Variants in EDN1 observed in about 807,000 individuals in gnomAD.
The protein encoded by EDN1 is endothelin-1.
EDN1 carries 11 observed loss-of-function variants against 21.7 expected under a neutral mutation model. The ratio of observed to expected loss-of-function variants is 0.51; its 90% CI spans 0.32 to 0.84. EDN1 has a LOEUF of 0.84. Among genes scored for constraint, EDN1 ranks in the 40% least tolerant of loss-of-function variants. The probability of loss-of-function intolerance (pLI) is 0.03; values close to 1 mark genes in which losing one functional copy is unlikely to be tolerated. For missense variants in EDN1, 244 were observed against 262.3 expected (o/e 0.93, Z 0.48); for synonymous variants, 85 against 90.6 (o/e 0.94, Z 0.35).
At chr6:12,243,143 A>G in the EDN1 span, among the ~76,000 whole-genome samples, 1 of 152,348 alleles carries the variant, frequency 6.6e-6, no homozygotes, top group African/African-American at 2.4e-5. Context: ...TATGTATTAT[A>G]TACTGTATTC....
At chr6:12,234,617 C>A in the EDN1 span, among the ~76,000 whole-genome samples, 15 of 152,312 alleles carry the variant, frequency 9.8e-5, no homozygotes, top group African/African-American at 3.4e-4. Context: ...GCTCTGCTGA[C>A]CTCTAAGGCC....
At position 12,294,375 on chromosome 6, in the gene EDN1, A is replaced by T; in HGVS notation, c.504A>T (p.Arg168Ser). ...TAGTGAGAGGAAGAAAAATCAGAAGAAGTTCAGAGGAACACCTAAGACAAA... is the reference window on the plus strand; with the variant it reads ...TAGTGAGAGGAAGAAAAATCAGAAGTAGTTCAGAGGAACACCTAAGACAAA... ...QQLVRGRKIR[R>S]SSEEHLRQTR... is the part of the protein sequence containing the mutation. Residue 168 changes from arginine to serine, a missense_variant, in exon 4 of 5, where the codon AGA becomes AGT. Coordinates refer to ENST00000379375, the MANE Select transcript of EDN1 (RefSeq NM_001955.5). The T allele has an allele frequency of 6.2e-7, 1 of 1,614,196 alleles. No individual in the cohort carries two copies. The highest frequency in any genetic ancestry group is 2.2e-5 in the East Asian group (1 of 44,880).
upstream of EDN1, among the ~76,000 whole-genome samples, chr6:12,287,710 T>A (rs868524981): frequency 3.7e-4 from 25 of 67,392 alleles, no homozygotes; most frequent in Non-Finnish European, 8.4e-4. Flanking sequence ...TCTCTCTCTC[T>A]CTCACACACA....
At chr6:12,236,512 G>A in the EDN1 span, among the ~76,000 whole-genome samples, 1 of 151,982 alleles carries the variant, frequency 6.6e-6, no homozygotes, top group Admixed American at 6.6e-5. Flanking sequence ...CACCTACCTT[G>A]GCTTCCCAAA....
the EDN1 span, among the ~76,000 whole-genome samples, chr6:12,253,213 T>G: frequency 3.2e-4 from 48 of 152,282 alleles, no homozygotes; most frequent in African/African-American, 1.2e-3. Context: ...AAATTAGCAA[T>G]TTGAAAGATG....
At chr6:12,277,437 G>T in the EDN1 span, among the ~76,000 whole-genome samples, 2 of 152,190 alleles carry the variant, frequency 1.3e-5, no homozygotes, top group Non-Finnish European at 2.9e-5. Context: ...CGTGATGTAA[G>T]TACTACTCTT....
the EDN1 span, among the ~76,000 whole-genome samples, chr6:12,255,334 A>G: frequency 5.3e-5 from 8 of 152,226 alleles, no homozygotes; most frequent in East Asian, 3.8e-4. Flanking sequence ...TACTACATCA[A>G]TGGATCTAAA....
Position 12,296,513 on chromosome 6 carries a change from C to A in EDN1, c.*446C>A. ...TTCTAAGGAATGCACAAATTGAAAA[C>A]ACACTCAAAAGACAAACATGCAAGT... is the stretch of plus-strand genomic sequence containing the variant. On this transcript the variant is annotated 3_prime_UTR_variant, in exon 5 of 5. Transcript: ENST00000379375. 6.3e-6 allele frequency: 1 copy of A among 159,452 alleles called. No homozygotes were observed. The allele number at this position is 159,452 out of a possible 1,614,324, so 9.9% of individuals were successfully genotyped here.
the EDN1 span, among the ~76,000 whole-genome samples, chr6:12,271,856 A>C: frequency 6.6e-6 from 1 of 152,320 alleles, no homozygotes; most frequent in African/African-American, 2.4e-5. Context: ...TATACATGAC[A>C]TTGTAATGAC....
chr6:12,255,390 G>A, the EDN1 span, among the ~76,000 whole-genome samples: 1 of 152,148 alleles, frequency 6.6e-6, no homozygotes, highest in Admixed American at 6.6e-5. Context: ...ATGCCATTTG[G>A]AATAACAATT....
the EDN1 span, among the ~76,000 whole-genome samples, chr6:12,272,066 C>A: frequency 1.3e-5 from 2 of 152,084 alleles, no homozygotes; most frequent in Non-Finnish European, 2.9e-5. Flanking sequence ...AAATGCAGGA[C>A]AATACATAGT....
the EDN1 span, among the ~76,000 whole-genome samples, chr6:12,283,690 C>G: frequency 2.6e-5 from 4 of 152,172 alleles, no homozygotes; most frequent in Admixed American, 1.3e-4. Context: ...TATAGACTTC[C>G]CACAGTCTAC....
chr6:12,295,896 T>C (rs1762810270), intron 4 of EDN1, 66 bp from the exon 5 acceptor site: 13 of 1,518,396 alleles, frequency 8.6e-6, no homozygotes, highest in Admixed American at 5.0e-5. Context: ...TAATTTTACA[T>C]GTTTCTTTTG....
chr6:12,255,489 G>A, the EDN1 span, among the ~76,000 whole-genome samples: 2 of 152,194 alleles, frequency 1.3e-5, no homozygotes, highest in South Asian at 4.1e-4. Flanking sequence ...CTCATTAAAA[G>A]CAGGAACAAG....
At position 12,296,338 on chromosome 6, in the gene EDN1, C is replaced by T. The variant is rs539153026; in HGVS notation, c.*271C>T. On this transcript the variant is annotated 3_prime_UTR_variant, in exon 5 of 5. Transcript: ENST00000379375. ...CTCAGCAGAAACACACAGTCACATT[C>T]GAATTCGGGTGGCATCCTCCGGAGA... is the stretch of plus-strand genomic sequence containing the variant. The T allele has an allele frequency of 3.9e-5, 16 of 412,592 alleles. No homozygotes were observed. The highest frequency in any genetic ancestry group is 2.2e-4 in the African/African-American group (11 of 49,504). The allele number at this position is 412,592 out of a possible 1,614,324, so 25.6% of individuals were successfully genotyped here.
chr6:12,267,842 A>T, the EDN1 span, among the ~76,000 whole-genome samples: 2 of 152,136 alleles, frequency 1.3e-5, no homozygotes, highest in Non-Finnish European at 2.9e-5. Flanking sequence ...ACAGGTTGAC[A>T]CTCTTGTCAG....
At chr6:12,258,110 A>AAT in the EDN1 span, among the ~76,000 whole-genome samples, 4 of 152,048 alleles carry the variant, frequency 2.6e-5, no homozygotes, top group Non-Finnish European at 5.9e-5. Context: ...TATACTAATT[A>AAT]GTATAATTGC....
At chr6:12,260,910 A>C in the EDN1 span, among the ~76,000 whole-genome samples, 2 of 152,148 alleles carry the variant, frequency 1.3e-5, no homozygotes, top group Non-Finnish European at 2.9e-5. Flanking sequence ...GTGGTGAGAC[A>C]CTCAAACAGT....
the EDN1 span, among the ~76,000 whole-genome samples, chr6:12,260,844 C>T: frequency 6.6e-6 from 1 of 151,962 alleles, no homozygotes. Flanking sequence ...CTTTTTGCAC[C>T]AATCTTGGCT....
Sources: allele counts gnomAD v4.1 joint callset (sites outside exome capture counted in the v4.1 genomes callset), GRCh38; gene constraint gnomAD v4.1.1; transcripts MANE v1.5; gene names NCBI Gene and HGNC (gene_info 2026-07-23, HGNC 2026-07-21).